The following EEPD1 variants were observed in gnomAD, a reference collection of about 807,000 sequenced individuals.
EEPD1 encodes the protein endonuclease/exonuclease/phosphatase family domain-containing protein 1.
A neutral mutation model predicts 46.3 loss-of-function variants in EEPD1; 17 were observed. The ratio of observed to expected loss-of-function variants is 0.37; its 90% CI spans 0.25 to 0.55. EEPD1 has a LOEUF of 0.55. Among genes scored for constraint, EEPD1 ranks in the 20% least tolerant of loss-of-function variants. The probability of loss-of-function intolerance (pLI) is 0.83; values close to 1 mark genes in which losing one functional copy is unlikely to be tolerated. For missense variants in EEPD1, 673 were observed against 745.6 expected (o/e 0.90, Z 1.13); for synonymous variants, 313 against 315.6 (o/e 0.99, Z 0.09).
At chr7:36,198,347 A>AAAAAAAAAAAG (rs1785648618) in intron 2 of EEPD1, among the ~76,000 whole-genome samples, 1 of 134,888 alleles carries the variant, frequency 7.4e-6, no homozygotes. Context: ...GAAAAGAAAA[A>AAAAAAAAAAAG]AAAAAAAAAA....
intron 2 of EEPD1, among the ~76,000 whole-genome samples, chr7:36,173,725 G>A (rs1306646348): frequency 6.6e-6 from 1 of 152,184 alleles, no homozygotes; most frequent in Non-Finnish European, 1.5e-5. Context: ...ACTCTTCTGT[G>A]TTGATTGTTG....
chr7:36,228,958 C>T (rs1271606436), intron 2 of EEPD1: 1 of 152,398 alleles, frequency 6.6e-6, no homozygotes, highest in East Asian at 1.9e-4. Context: ...GCTGTGATTA[C>T]ACCTTTGCTC....
intron 3 of EEPD1, among the ~76,000 whole-genome samples, chr7:36,274,683 A>G (rs573265097): frequency 6.6e-6 from 1 of 152,012 alleles, no homozygotes; most frequent in African/African-American, 2.4e-5. Flanking sequence ...TATATTAGCT[A>G]TTTTTCCTAA....
At chr7:36,291,563 T>A (rs980720893) in intron 6 of EEPD1, among the ~76,000 whole-genome samples, 1 of 152,180 alleles carries the variant, frequency 6.6e-6, no homozygotes, top group East Asian at 1.9e-4. Flanking sequence ...TTCTCCATGG[T>A]GTGGGTGGCC....
intron 2 of EEPD1, among the ~76,000 whole-genome samples, chr7:36,199,038 C>T (rs552440450): frequency 1.7e-4 from 26 of 152,116 alleles, no homozygotes; most frequent in Admixed American, 3.9e-4. Context: ...CCCACAGGCC[C>T]TCAATTTCAC....
chr7:36,156,327 G>C (rs1784824342), intron 2 of EEPD1, among the ~76,000 whole-genome samples: 1 of 152,192 alleles, frequency 6.6e-6, no homozygotes, highest in African/African-American at 2.4e-5. Flanking sequence ...TCATCACTGA[G>C]AGAGGGACTC....
chr7:36,263,432 C>G (rs1029336707), intron 3 of EEPD1, among the ~76,000 whole-genome samples: 4 of 152,328 alleles, frequency 2.6e-5, no homozygotes, highest in African/African-American at 9.6e-5. Context: ...ATTACCTGCT[C>G]TCTTGGTTCA....
chr7:36,168,071 G>A (rs1006849772), intron 2 of EEPD1, among the ~76,000 whole-genome samples: 2 of 152,076 alleles, frequency 1.3e-5, no homozygotes, highest in Admixed American at 6.6e-5. Flanking sequence ...TATTTCCCCT[G>A]CCACGACCAT....
chr7:36,272,574 T>G (rs1787126921), intron 3 of EEPD1, among the ~76,000 whole-genome samples: 1 of 149,768 alleles, frequency 6.7e-6, no homozygotes, highest in Non-Finnish European at 1.5e-5. Flanking sequence ...ATGTGGTTGG[T>G]ATCTTTGGGG....
chr7:36,277,254 G>A (rs1481263767), intron 3 of EEPD1, among the ~76,000 whole-genome samples: 6 of 152,214 alleles, frequency 3.9e-5, no homozygotes, highest in East Asian at 3.9e-4. Context: ...AGACCCTCCC[G>A]CTAACTGTGT....
At chr7:36,188,090 C>T (rs1238677386) in intron 2 of EEPD1, among the ~76,000 whole-genome samples, 1 of 152,164 alleles carries the variant, frequency 6.6e-6, no homozygotes, top group Non-Finnish European at 1.5e-5. Context: ...GCCACTGTGC[C>T]TGGCCTGTGC....
rs150685918 is a variant in EEPD1, at chr7:36,168,526, G to A, written c.878+13324G>A. On this transcript the variant is annotated intron_variant, in intron 2 of 7. Coordinates refer to ENST00000242108, the MANE Select transcript of EEPD1 (RefSeq NM_030636.3). ...TCCCAGCACTTTGGGAGGCTGAGGC[G>A]GGTGGATCACGAGGTCAGGAGATCG... Among the ~76,000 whole-genome samples the A allele has an allele frequency of 8.9e-3, 1,350 of 152,216 alleles. 18 individuals carry two copies. The highest frequency in any genetic ancestry group is 0.03 in the African/African-American group (1,249 of 41,530).
chr7:36,201,782 C>T lies in EEPD1; in HGVS notation c.879-37203C>T, dbSNP rs144429286. On this transcript the variant is annotated intron_variant, in intron 2 of 7. Transcript: ENST00000242108. ...TGTTTTCAAACAAAGCCTGCAGGTG[C>T]ATTTACTCCCAAGGTCTAGAAATCT... Among the ~76,000 whole-genome samples the T allele has an allele frequency of 6.8e-3, 1,038 of 152,286 alleles. 14 individuals carry two copies. The highest frequency in any genetic ancestry group is 0.023 in the African/African-American group (970 of 41,556).
intron 7 of EEPD1, among the ~76,000 whole-genome samples, chr7:36,297,514 AC>A (rs1489688781): frequency 4.0e-5 from 6 of 151,892 alleles, no homozygotes; most frequent in Non-Finnish European, 7.3e-5. Flanking sequence ...ATTTTAGAAC[AC>A]CCACTGACCT....
At chr7:36,187,340 G>A (rs901849254) in intron 2 of EEPD1, among the ~76,000 whole-genome samples, 10 of 151,900 alleles carry the variant, frequency 6.6e-5, no homozygotes, top group South Asian at 2.1e-4. Context: ...ACCACCATCC[G>A]TCTCCAGAAC....
At chr7:36,249,304 C>T (rs938993050) in intron 3 of EEPD1, among the ~76,000 whole-genome samples, 1 of 152,192 alleles carries the variant, frequency 6.6e-6, no homozygotes, top group Non-Finnish European at 1.5e-5. Context: ...CCCCCGGCCA[C>T]TGCTGGGGAG....
chr7:36,243,855 C>G (rs2115794069), intron 3 of EEPD1, among the ~76,000 whole-genome samples: 1 of 136,536 alleles, frequency 7.3e-6, no homozygotes, highest in Non-Finnish European at 1.5e-5. Flanking sequence ...AATGAGAACA[C>G]ATGGACACAG....
intron 3 of EEPD1, among the ~76,000 whole-genome samples, chr7:36,260,318 A>C (rs1484180218): frequency 2.0e-5 from 3 of 152,214 alleles, no homozygotes; most frequent in Non-Finnish European, 4.4e-5. Context: ...GTTTTCCTGG[A>C]TGTAAGATTG....
rs34909516 is a variant in EEPD1 at position 36,242,768 on chromosome 7, CAAA to C, written c.930+3749_930+3751del. The stretch of plus-strand genomic sequence containing the variant: ...CGAAACTGTGTCTCTAATAAAAATA[CAAA>C]AAAAAAAAAAAAAAAAGCCAGGTGT... On this transcript the variant is annotated intron_variant, in intron 3 of 7. Transcript: ENST00000242108. Among the ~76,000 whole-genome samples, 41 of 85,358 alleles carry C rather than the reference CAAA, an allele frequency of 4.8e-4. No homozygotes were observed. In the East Asian group the frequency reaches 5.4e-3, roughly 11 times the overall value. 56.0% of individuals were successfully genotyped at this position (85,358 alleles called of 152,430 possible).
Sources: gnomAD v4.1 joint callset for allele counts (sites outside exome capture counted in the v4.1 genomes callset) on GRCh38, gnomAD v4.1.1 for gene constraint, MANE v1.5 for transcripts, NCBI Gene and HGNC (gene_info 2026-07-23, HGNC 2026-07-21) for gene names.